Variants in SOX5 observed in about 807,000 individuals in gnomAD.
The protein encoded by SOX5 is transcription factor SOX-5.
Under a neutral mutation model 92.0 loss-of-function variants are expected in SOX5, and 9 were observed. That is an observed-to-expected ratio of 0.10 (90% CI 0.06 to 0.17). The LOEUF is 0.17. Ranked by LOEUF, SOX5 falls within the 10% of genes least tolerant of loss-of-function variation. The pLI, the probability that SOX5 is intolerant of heterozygous loss-of-function variation, is 1.00. For missense variants in SOX5, 642 were observed against 944.5 expected, an observed-to-expected ratio of 0.68 and a Z score of 4.20; for synonymous variants, 344 against 336.3, an observed-to-expected ratio of 1.02 and a Z score of -0.25.
At chr12:24,159,137 T>C (rs1473361813) in intron 4 of SOX5, among the ~76,000 whole-genome samples, 1 of 151,804 alleles carries the variant, frequency 6.6e-6, no homozygotes, top group Non-Finnish European at 1.5e-5. Flanking sequence ...TATATCTAAT[T>C]CCCTGACTTC....
intron 2 of SOX5, among the ~76,000 whole-genome samples, chr12:24,315,492 G>T (rs1949612954): frequency 6.6e-6 from 1 of 151,978 alleles, no homozygotes; most frequent in South Asian, 2.1e-4. Flanking sequence ...TATTTGTAAG[G>T]TTTTTTGTGC....
At chr12:23,569,171 G>A (rs1203498399) in intron 10 of SOX5, among the ~76,000 whole-genome samples, 2 of 152,092 alleles carry the variant, frequency 1.3e-5, no homozygotes, top group Non-Finnish European at 2.9e-5. Flanking sequence ...CAGCTTGGGT[G>A]ACAAAGCAAG....
At chr12:24,274,298 TA>T (rs1260488680) in intron 3 of SOX5, among the ~76,000 whole-genome samples, 1 of 152,300 alleles carries the variant, frequency 6.6e-6, no homozygotes, top group Non-Finnish European at 1.5e-5. Context: ...ATTATGTTAT[TA>T]GGGGCATTGA....
chr12:24,339,163 C>CCCCACACACACACA lies in SOX5; in HGVS notation c.-174+29399_-174+29400insTGTGTGTGTGTGGG, dbSNP rs141671017. Among the ~76,000 whole-genome samples, 650 of 140,464 alleles carry CCCCACACACACACA rather than the reference C, an allele frequency of 4.6e-3. 5 individuals are homozygous for CCCCACACACACACA. The highest frequency in any genetic ancestry group is 8.9e-3 in the South Asian group (36 of 4,066). 92.1% of individuals were successfully genotyped at this position (140,464 alleles called of 152,430 possible). On this transcript the variant is annotated intron_variant, in intron 2 of 4. Transcript: ENST00000446891. ...GTTTCTCTCTCTCTCTCTCTCTCTG[C>CCCCACACACACACA]CACACACACACACACACACACACAC...
In SOX5 at chr12:24,302,731, C is replaced by T. The variant is rs182191374; in HGVS notation, c.-173-25419G>A. ...AAATGAATGGCCAAGGATTTCAATACTAAAAATGAAGGGAGAATGTCATCA... is the reference window on the plus strand; with the variant it reads ...AAATGAATGGCCAAGGATTTCAATATTAAAAATGAAGGGAGAATGTCATCA... On this transcript the variant is annotated intron_variant, in intron 2 of 4. Coordinates refer to the SOX5 transcript ENST00000446891. Among the ~76,000 whole-genome samples, 13 of 152,042 alleles carry T rather than the reference C, an allele frequency of 8.6e-5. No individual in the cohort carries two copies. The East Asian group carries it at 1.4e-3, about 16-fold the overall frequency.
rs1307964119 is a variant in SOX5 at position 23,687,579 on chromosome 12, A to ATAT, written c.811-22018_811-22016dup. 4.6e-5 allele frequency among the ~76,000 whole-genome samples: 7 copies of ATAT among 151,780 alleles called. No individual in the cohort carries two copies. In the South Asian group the frequency reaches 8.3e-4, roughly 18 times the overall value. On this transcript the variant is annotated intron_variant, in intron 6 of 14. Transcript: ENST00000451604. ...ACCCTTAAATAATAAATCTGAACCT[A>ATAT]TATTTTCAGAATCTGGTTTTCAACA...
intron 7 of SOX5, among the ~76,000 whole-genome samples, chr12:23,659,710 C>G (rs1475906272): frequency 6.6e-6 from 1 of 152,174 alleles, no homozygotes; most frequent in Non-Finnish European, 1.5e-5. Context: ...CGGTGGCTCA[C>G]ACCTGTAATC....
chr12:24,490,831 T>C (rs1394090661), intron 1 of SOX5, among the ~76,000 whole-genome samples: 1 of 152,240 alleles, frequency 6.6e-6, no homozygotes, highest in Non-Finnish European at 1.5e-5. Context: ...GATACTCTAA[T>C]ATTCCTTTTA....
intron 6 of SOX5, among the ~76,000 whole-genome samples, chr12:23,678,484 A>G (rs1368969254): frequency 6.6e-6 from 1 of 152,110 alleles, no homozygotes; most frequent in Non-Finnish European, 1.5e-5. Flanking sequence ...AATTGTGGCA[A>G]TTCTAATTTT....
At chr12:24,316,047 C>T (rs1192000125) in intron 2 of SOX5, among the ~76,000 whole-genome samples, 4 of 152,208 alleles carry the variant, frequency 2.6e-5, no homozygotes, top group Admixed American at 2.6e-4. Flanking sequence ...GCTCTGTAGC[C>T]TCTGCAGGCA....
chr12:24,113,798 T>C (rs531714117), intron 4 of SOX5, among the ~76,000 whole-genome samples: 17 of 152,332 alleles, frequency 1.1e-4, no homozygotes, highest in Non-Finnish European at 5.9e-5. Flanking sequence ...TGCCCTGTTA[T>C]CTGTTATACT....
At chr12:24,240,249 T>G (rs1283619240) in intron 3 of SOX5, among the ~76,000 whole-genome samples, 1 of 152,174 alleles carries the variant, frequency 6.6e-6, no homozygotes, top group Non-Finnish European at 1.5e-5. Context: ...TAATGGTAGA[T>G]CAAAAGCAGC....
At chr12:24,543,436 G>A (rs117510768) in intron 1 of SOX5, among the ~76,000 whole-genome samples, 2,617 of 152,256 alleles carry the variant, frequency 0.017, 28 homozygotes, top group Non-Finnish European at 0.028. Context: ...CCTGTAATCC[G>A]AGCACTTCGG....
intron 4 of SOX5, among the ~76,000 whole-genome samples, chr12:24,142,893 T>C (rs1213698304): frequency 6.7e-6 from 1 of 150,234 alleles, no homozygotes; most frequent in African/African-American, 2.5e-5. Context: ...GGGAGATGCG[T>C]AGAGGGCCCT....
chr12:23,831,957 T>TACACACACACACACACAC (rs61053165), intron 3 of SOX5, among the ~76,000 whole-genome samples: 6,415 of 142,692 alleles, frequency 0.045, 232 homozygotes, highest in African/African-American at 0.095. Context: ...AAAGGGGAAC[T>TACACACACACACACACAC]ACACACACAC....
chr12:24,249,925 G>A (rs534523176), intron 3 of SOX5, among the ~76,000 whole-genome samples: 3 of 152,248 alleles, frequency 2.0e-5, no homozygotes, highest in Admixed American at 1.3e-4. Flanking sequence ...TCCTGCAGAA[G>A]GAAGGGAAAT....
At chr12:23,675,564 T>C (rs745903681) in intron 6 of SOX5, among the ~76,000 whole-genome samples, 7 of 152,124 alleles carry the variant, frequency 4.6e-5, no homozygotes, top group Non-Finnish European at 8.8e-5. Context: ...GAAAATGGAT[T>C]AAATACTTAA....
At chr12:24,247,892 G>T (rs868676629) in intron 3 of SOX5, among the ~76,000 whole-genome samples, 1 of 152,114 alleles carries the variant, frequency 6.6e-6, no homozygotes, top group Admixed American at 6.5e-5. Flanking sequence ...GACCTCAAGT[G>T]ATCTGCCTGC....
chr12:24,308,508 T>A (rs1948838578), intron 2 of SOX5, among the ~76,000 whole-genome samples: 1 of 152,208 alleles, frequency 6.6e-6, no homozygotes, highest in South Asian at 2.1e-4. Context: ...TTCTTTCTTC[T>A]GAGGAGGCAA....
Sources: allele counts gnomAD v4.1 joint callset (sites outside exome capture counted in the v4.1 genomes callset), GRCh38; gene constraint gnomAD v4.1.1; transcripts MANE v1.5; gene names NCBI Gene and HGNC (gene_info 2026-07-23, HGNC 2026-07-21).